Variants in DMD observed in about 807,000 individuals in gnomAD.
DMD encodes mutant dystrophin.
In DMD, 63 loss-of-function variants were observed where a neutral mutation model predicts 330.1. That is an observed-to-expected ratio of 0.19 (90% CI 0.16 to 0.24). The LOEUF is 0.24. DMD is among the 10% of genes least tolerant of loss of function. DMD has a pLI of 1.00. For missense variants in DMD, 3,344 were observed against 2,684.1 expected (o/e 1.25, Z -5.43); for synonymous variants, 1,223 against 959.8 (o/e 1.27, Z -5.07).
intron 3 of DMD, among the ~76,000 whole-genome samples, chrX:32,845,866 G>A (rs914898523): frequency 1.8e-5 from 2 of 112,087 alleles, no homozygotes; most frequent in African/African-American, 6.5e-5. Flanking sequence ...GCATACACAA[G>A]TTACAACATG....
At chrX:32,095,525 G>A (rs1436785590) in intron 44 of DMD, among the ~76,000 whole-genome samples, 1 of 111,720 alleles carries the variant, frequency 9.0e-6, no homozygotes, top group East Asian at 2.8e-4. Context: ...TAATGCCTTT[G>A]TCTAAATGTA....
At chrX:32,877,140 A>T (rs755798805) in intron 2 of DMD, among the ~76,000 whole-genome samples, 25 of 111,984 alleles carry the variant, frequency 2.2e-4, no homozygotes, top group Non-Finnish European at 3.6e-4. Flanking sequence ...CTGCAGCTAG[A>T]TGTAAACAAA....
chrX:31,834,644 T>C (rs2093153009), intron 49 of DMD, among the ~76,000 whole-genome samples: 1 of 111,369 alleles, frequency 9.0e-6, no homozygotes, highest in African/African-American at 3.3e-5. Context: ...TTCACCATGT[T>C]GGCCAGGCAG....
At chrX:31,810,351 A>G (rs1346862691) in intron 50 of DMD, among the ~76,000 whole-genome samples, 3 of 112,046 alleles carry the variant, frequency 2.7e-5, no homozygotes, top group Non-Finnish European at 5.6e-5. Context: ...AAGATAGAAA[A>G]GAAAAGTGGG....
intron 30 of DMD, 127 bp downstream of exon 30, chrX:32,411,625 G>T: frequency 1.3e-6 from 1 of 768,918 alleles, no homozygotes; most frequent in Non-Finnish European, 1.9e-6. Flanking sequence ...CCTCCAAATA[G>T]TCAAATCAGT....
chrX:32,586,464 A>C (rs1318543390), intron 13 of DMD, among the ~76,000 whole-genome samples: 3 of 108,870 alleles, frequency 2.8e-5, no homozygotes, highest in Non-Finnish European at 5.7e-5. Flanking sequence ...TGTTTATATT[A>C]TATATATTTG....
In DMD at chrX:32,849,887, C is replaced by A. The variant is rs2080994581; in HGVS notation, c.94-67G>T. ...TCCAATGATACATTTTCACGATTATCCCCTTTTGAAAACTAAAGCTATATT... is the reference window on the plus strand; with the variant it reads ...TCCAATGATACATTTTCACGATTATACCCTTTTGAAAACTAAAGCTATATT... On this transcript the variant is annotated intron_variant, in intron 2 of 78. Transcript: ENST00000357033. 7.3e-6 allele frequency: 6 copies of A among 823,943 alleles called. No individual in the cohort carries two copies. The South Asian group carries it at 1.1e-4, about 15-fold the overall frequency. 67.9% of individuals were successfully genotyped at this position (823,943 alleles called of 1,213,427 possible).
intron 56 of DMD, among the ~76,000 whole-genome samples, chrX:31,499,154 TTAAA>T (rs959381179): frequency 8.9e-6 from 1 of 111,775 alleles, no homozygotes; most frequent in South Asian, 3.8e-4. Flanking sequence ...AAGACACTGA[TTAAA>T]TAAATATTTA....
intron 1 of DMD, among the ~76,000 whole-genome samples, chrX:33,089,771 A>G (rs2095060343): frequency 9.0e-6 from 1 of 111,185 alleles, no homozygotes; most frequent in African/African-American, 3.3e-5. Flanking sequence ...ACAGAAGTAG[A>G]GTTCAGAGAA....
At chrX:32,622,169 A>C (rs973247660) in intron 11 of DMD, among the ~76,000 whole-genome samples, 3 of 111,434 alleles carry the variant, frequency 2.7e-5, no homozygotes, top group Non-Finnish European at 5.6e-5. Context: ...TTACAGAGAG[A>C]AGTGTGACTG....
intron 2 of DMD, among the ~76,000 whole-genome samples, chrX:32,921,054 G>C (rs929625070): frequency 2.7e-5 from 3 of 112,170 alleles, no homozygotes; most frequent in African/African-American, 9.7e-5. Context: ...CTTCATTACT[G>C]TTTGGAACTT....
At chrX:32,449,333 C>G (rs1001009426) in intron 26 of DMD, among the ~76,000 whole-genome samples, 1 of 110,495 alleles carries the variant, frequency 9.1e-6, no homozygotes, top group Non-Finnish European at 1.9e-5. Context: ...ATTCCATAAT[C>G]ATGTCTGAAT....
chrX:32,346,168 C>A, intron 38 of DMD, 88 bp from the exon 39 acceptor site: 1 of 1,015,650 alleles, frequency 9.8e-7, no homozygotes, highest in Non-Finnish European at 1.4e-6. Flanking sequence ...GTTATTTAAA[C>A]ACACACAAAA....
At chrX:32,547,575 A>C (rs2049102084) in intron 16 of DMD, among the ~76,000 whole-genome samples, 3 of 111,199 alleles carry the variant, frequency 2.7e-5, no homozygotes, top group South Asian at 7.5e-4. Context: ...ACATATAACA[A>C]ATTAATAATC....
intron 59 of DMD, among the ~76,000 whole-genome samples, chrX:31,472,402 T>G (rs751193652): frequency 4.5e-5 from 5 of 112,187 alleles, no homozygotes; most frequent in Non-Finnish European, 7.5e-5. Context: ...ATTAATACAA[T>G]AAGAAGAAAA....
chrX:32,106,276 G>A (rs1425430601), intron 44 of DMD, among the ~76,000 whole-genome samples: 1 of 111,499 alleles, frequency 9.0e-6, no homozygotes, highest in Non-Finnish European at 1.9e-5. Context: ...ATGATTTTTA[G>A]TGTAAATAAG....
chrX:31,238,090 A>T (rs192202477), intron 63 of DMD, among the ~76,000 whole-genome samples: 231 of 111,712 alleles, frequency 2.1e-3, no homozygotes, highest in Non-Finnish European at 3.7e-3. Flanking sequence ...AAGCTTTACC[A>T]ATTTGAAGAT....
At chrX:32,598,771 C>T (rs2055859753) in intron 12 of DMD, among the ~76,000 whole-genome samples, 1 of 111,600 alleles carries the variant, frequency 9.0e-6, no homozygotes, top group African/African-American at 3.3e-5. Flanking sequence ...GCATTCTTGC[C>T]ATATTGATCA....
intron 75 of DMD, 81 bp from the exon 76 acceptor site, chrX:31,146,495 A>C: frequency 9.7e-7 from 1 of 1,036,117 alleles, no homozygotes; most frequent in South Asian, 2.0e-5. Context: ...ATACACACTC[A>C]GGACTCATAA....
Sources: gnomAD v4.1 joint callset for allele counts (sites outside exome capture counted in the v4.1 genomes callset) on GRCh38, gnomAD v4.1.1 for gene constraint, MANE v1.5 for transcripts, NCBI Gene and HGNC (gene_info 2026-07-23, HGNC 2026-07-21) for gene names.